The following MEIKIN variants were observed in gnomAD, a reference collection of about 807,000 sequenced individuals.
MEIKIN encodes meiotic kinetochore factor, also known as meiosis-specific kinetochore protein.
intron 8 of MEIKIN, among the ~76,000 whole-genome samples, chr5:131,904,499 G>T (rs929397159): frequency 5.9e-5 from 9 of 152,086 alleles, no homozygotes; most frequent in African/African-American, 2.2e-4. Flanking sequence ...AGAAATAACT[G>T]CTAAGAAAAT....
chr5:131,921,964 G>A, intron 5 of MEIKIN, 23 bp from the exon 6 acceptor site: 1 of 398,780 alleles, frequency 2.5e-6, no homozygotes, highest in East Asian at 3.6e-5. Flanking sequence ...AGAAGAAATA[G>A]TGTAAGACTT....
chr5:131,844,891 A>G (rs1749982659), intron 11 of MEIKIN, among the ~76,000 whole-genome samples: 1 of 152,206 alleles, frequency 6.6e-6, no homozygotes, highest in Non-Finnish European at 1.5e-5. Context: ...CTCAGAAAAG[A>G]CCTAAGAAGA....
chr5:131,914,570 G>A (rs1248419756), intron 7 of MEIKIN, among the ~76,000 whole-genome samples: 2 of 70,834 alleles, frequency 2.8e-5, no homozygotes, highest in Non-Finnish European at 5.6e-5. Flanking sequence ...GAAGGGGGAA[G>A]AGAAGGGAAG....
At chr5:131,816,255 G>C (rs1773097338) in intron 12 of MEIKIN, among the ~76,000 whole-genome samples, 2 of 152,334 alleles carry the variant, frequency 1.3e-5, no homozygotes, top group Admixed American at 1.3e-4. Context: ...GGTTAGTTGT[G>C]TGTGACAACT....
intron 7 of MEIKIN, among the ~76,000 whole-genome samples, chr5:131,916,590 G>C (rs1241338458): frequency 6.6e-6 from 1 of 152,246 alleles, no homozygotes; most frequent in African/African-American, 2.4e-5. Flanking sequence ...AGAGGGCTGA[G>C]AGCCAACTTG....
rs185963305 is a variant in MEIKIN at position 131,811,558 on chromosome 5, C to T, written c.1100-4300G>A. On this transcript the variant is annotated intron_variant, in intron 12 of 12. Coordinates refer to ENST00000442687, the MANE Select transcript of MEIKIN (RefSeq NM_001303622.2). ...CTGACCTCAGGTAATCCGCCCACCT[C>T]GGCCTCCCAACGTGCTGGGATTACA... 1.7e-3 allele frequency among the ~76,000 whole-genome samples: 256 copies of T among 151,840 alleles called. 3 individuals are homozygous for T. Among genetic ancestry groups the T allele is most frequent in the African/African-American group, 6.0e-3 (249 of 41,396 alleles).
At chr5:131,846,142 A>C (rs1750016469) in intron 11 of MEIKIN, among the ~76,000 whole-genome samples, 1 of 152,208 alleles carries the variant, frequency 6.6e-6, no homozygotes, top group Non-Finnish European at 1.5e-5. Context: ...TAAAAGAAAA[A>C]TATCTGTGAA....
chr5:131,885,275 T>A (rs1186389177), intron 8 of MEIKIN, among the ~76,000 whole-genome samples: 3 of 150,446 alleles, frequency 2.0e-5, no homozygotes, highest in Non-Finnish European at 4.4e-5. Flanking sequence ...GTCCCAGTAT[T>A]GGGAATTGGA....
intron 9 of MEIKIN, among the ~76,000 whole-genome samples, chr5:131,858,242 T>C (rs1750229445): frequency 6.6e-6 from 1 of 152,090 alleles, no homozygotes; most frequent in Non-Finnish European, 1.5e-5. Context: ...AACAGACACA[T>C]AGACCAATGG....
intron 9 of MEIKIN, among the ~76,000 whole-genome samples, chr5:131,862,208 T>A (rs1580877177): frequency 6.6e-6 from 1 of 152,158 alleles, no homozygotes; most frequent in Non-Finnish European, 1.5e-5. Flanking sequence ...AGTTTACCCA[T>A]TTCTCCAAGT....
At chr5:131,838,560 T>C (rs1401740241) in intron 11 of MEIKIN, among the ~76,000 whole-genome samples, 1 of 100,538 alleles carries the variant, frequency 9.9e-6, no homozygotes, top group African/African-American at 2.5e-5. Context: ...AATTTCTTCC[T>C]GGTTCAGGAA....
At chr5:131,811,340 C>T (rs1201208385) in intron 12 of MEIKIN, among the ~76,000 whole-genome samples, 1 of 149,716 alleles carries the variant, frequency 6.7e-6, no homozygotes, top group South Asian at 2.1e-4. Context: ...TAAACTTTTT[C>T]TTTTCTTTTT....
chr5:131,926,576 C>T (rs932243630), intron 5 of MEIKIN, among the ~76,000 whole-genome samples: 2 of 152,124 alleles, frequency 1.3e-5, no homozygotes, highest in African/African-American at 4.8e-5. Context: ...GTCTTCTCCT[C>T]TTTAATTTTT....
Position 131,933,659 on chromosome 5 carries a change from A to C in MEIKIN, c.350-18T>G. On this transcript the variant is annotated intron_variant, in intron 4 of 12. Coordinates refer to ENST00000442687, the MANE Select transcript of MEIKIN (RefSeq NM_001303622.2). ...ACTTAATCCTGTAGAATAAAGGAAA[A>C]AAAAATTGATAAATCTTTTGATACA... 2.5e-6 allele frequency: 1 copy of C among 398,452 alleles called. No individual in the cohort carries two copies. Among genetic ancestry groups the C allele is most frequent in the Non-Finnish European group, 4.4e-6 (1 of 225,720 alleles). The allele number at this position is 398,452 out of a possible 1,614,324, so 24.7% of individuals were successfully genotyped here. A position where few individuals can be genotyped will look rare whatever the true frequency, so the allele number is the denominator to read the frequency against.
At chr5:131,916,395 A>G (rs532332841) in intron 7 of MEIKIN, among the ~76,000 whole-genome samples, 5 of 152,326 alleles carry the variant, frequency 3.3e-5, no homozygotes, top group African/African-American at 1.2e-4. Flanking sequence ...ATTCTTTCCC[A>G]AGGAGACAAC....
At chr5:131,877,280 A>G (rs1750632151) in intron 9 of MEIKIN, among the ~76,000 whole-genome samples, 1 of 152,196 alleles carries the variant, frequency 6.6e-6, no homozygotes, top group African/African-American at 2.4e-5. Flanking sequence ...AACAAAATAT[A>G]TAATTAATGA....
intron 4 of MEIKIN, among the ~76,000 whole-genome samples, chr5:131,939,748 G>A (rs1018333169): frequency 2.6e-5 from 4 of 152,110 alleles, no homozygotes; most frequent in Admixed American, 6.5e-5. Context: ...ATCAGCAAAT[G>A]AACTCTCAGA....
intron 9 of MEIKIN, among the ~76,000 whole-genome samples, chr5:131,867,574 T>C (rs1367737151): frequency 3.3e-5 from 5 of 152,248 alleles, no homozygotes; most frequent in Non-Finnish European, 7.3e-5. Context: ...AATCTTTTTA[T>C]TGTCAACATA....
chr5:131,903,846 G>A (rs1032529783), intron 8 of MEIKIN, among the ~76,000 whole-genome samples: 1 of 151,754 alleles, frequency 6.6e-6, no homozygotes, highest in African/African-American at 2.4e-5. Flanking sequence ...AGAGTGGCAA[G>A]TTGGATAAAG....
Sources: gnomAD v4.1 joint callset for allele counts (sites outside exome capture counted in the v4.1 genomes callset) on GRCh38, gnomAD v4.1.1 for gene constraint, MANE v1.5 for transcripts, NCBI Gene and HGNC (gene_info 2026-07-23, HGNC 2026-07-21) for gene names.